The following DPY19L2 variants were observed in gnomAD, a reference collection of about 807,000 sequenced individuals.
DPY19L2 encodes dpy-19 like 2.
A neutral mutation model predicts 97.9 loss-of-function variants in DPY19L2; 34 were observed. The observed-to-expected ratio is 0.35, with a 90% confidence interval of 0.26 to 0.46. The LOEUF (loss-of-function observed/expected upper bound fraction) is 0.46, where lower values mean the gene tolerates loss of function less well. Ranked by LOEUF, DPY19L2 falls within the 20% of genes least tolerant of loss-of-function variation. The pLI is 1.00. For missense variants in DPY19L2, 623 were observed against 911.4 expected (o/e 0.68, Z 4.07); for synonymous variants, 230 against 307.9 (o/e 0.75, Z 2.65).
At chr12:63,652,582 A>T (rs1247528159) in intron 4 of DPY19L2, among the ~76,000 whole-genome samples, 4 of 152,232 alleles carry the variant, frequency 2.6e-5, no homozygotes, top group Non-Finnish European at 5.9e-5. Flanking sequence ...CCCCATGAAT[A>T]TTATGCAGCC....
intron 16 of DPY19L2, among the ~76,000 whole-genome samples, chr12:63,592,458 A>T (rs561371666): frequency 2.0e-5 from 3 of 149,080 alleles, no homozygotes; most frequent in Middle Eastern, 3.4e-3. Context: ...TCAATGGAAC[A>T]GAACAGAGCC....
chr12:63,593,067 A>C (rs1246515442), intron 16 of DPY19L2, among the ~76,000 whole-genome samples: 784 of 151,966 alleles, frequency 5.2e-3, no homozygotes, highest in African/African-American at 0.018. Flanking sequence ...CATCAGAGAA[A>C]TGCAAATCAA....
At chr12:63,643,623 G>C (rs1251838319) in intron 6 of DPY19L2, among the ~76,000 whole-genome samples, 1 of 152,116 alleles carries the variant, frequency 6.6e-6, no homozygotes, top group Admixed American at 6.5e-5. Flanking sequence ...TGAAAGATAA[G>C]CATCTGTTGG....
Position 63,663,938 on chromosome 12 carries a change from T to C in DPY19L2, c.363-93A>G, listed in dbSNP as rs1205679404. The C allele has an allele frequency of 3.8e-6, 3 of 788,294 alleles. No homozygotes were observed. In the South Asian group the frequency reaches 5.5e-5, roughly 14 times the overall value. The allele number at this position is 788,294 out of a possible 1,614,324, so 48.8% of individuals were successfully genotyped here. A position where few individuals can be genotyped will look rare whatever the true frequency, so the allele number is the denominator to read the frequency against. The stretch of plus-strand genomic sequence containing the variant: ...AAGAAAGCCATAAAAAAGAAAACAA[T>C]AAATTGTTATATTAATTTTATAATT... On this transcript the variant is annotated intron_variant, in intron 2 of 21. Transcript: ENST00000324472.
chr12:63,654,535 T>C (rs901097457), intron 4 of DPY19L2, among the ~76,000 whole-genome samples: 4 of 152,124 alleles, frequency 2.6e-5, no homozygotes, highest in African/African-American at 9.7e-5. Context: ...AATTAAGAGA[T>C]ATATTGACAA....
At chr12:63,639,100 C>T (rs565213645) in intron 6 of DPY19L2, among the ~76,000 whole-genome samples, 81 of 152,134 alleles carry the variant, frequency 5.3e-4, no homozygotes, top group African/African-American at 1.9e-3. Context: ...ACAAGCAATG[C>T]GGAAAGGATT....
At chr12:63,638,014 T>G (rs1408613905) in intron 6 of DPY19L2, among the ~76,000 whole-genome samples, 3 of 152,234 alleles carry the variant, frequency 2.0e-5, no homozygotes, top group Non-Finnish European at 4.4e-5. Flanking sequence ...TCCACCATGA[T>G]CAAGTGGCCT....
At chr12:63,594,516 A>ATT (rs1465617564) in intron 15 of DPY19L2, among the ~76,000 whole-genome samples, 1 of 98,420 alleles carries the variant, frequency 1.0e-5, no homozygotes, top group Non-Finnish European at 2.1e-5. Flanking sequence ...GGCTACAGGG[A>ATT]TTTGTGTGTG....
intron 5 of DPY19L2, among the ~76,000 whole-genome samples, chr12:63,647,002 T>C (rs1417724652): frequency 2.6e-5 from 4 of 152,122 alleles, no homozygotes; most frequent in South Asian, 2.1e-4. Flanking sequence ...GACTAACTTA[T>C]AGTCAAGATT....
chr12:63,628,433 T>A (rs1217684474), intron 6 of DPY19L2, among the ~76,000 whole-genome samples: 2 of 152,110 alleles, frequency 1.3e-5, no homozygotes, highest in African/African-American at 4.8e-5. Context: ...CACACCTGGC[T>A]CGGAGGGTCC....
At chr12:63,657,555 T>A (rs1364672681) in intron 4 of DPY19L2, among the ~76,000 whole-genome samples, 1 of 140,534 alleles carries the variant, frequency 7.1e-6, no homozygotes, top group African/African-American at 2.8e-5. Context: ...TTTTTAACAT[T>A]TAGGTTTTTT....
chr12:63,634,485 T>A (rs1891298039), intron 6 of DPY19L2, among the ~76,000 whole-genome samples: 8 of 152,098 alleles, frequency 5.3e-5, no homozygotes, highest in Admixed American at 4.6e-4. Context: ...GGGTGGGGCA[T>A]CACCTCACCC....
At chr12:63,634,308 G>T (rs1891255244) in intron 6 of DPY19L2, among the ~76,000 whole-genome samples, 1 of 152,144 alleles carries the variant, frequency 6.6e-6, no homozygotes, top group African/African-American at 2.4e-5. Context: ...TAACATGTAA[G>T]ATATGAAAGG....
At chr12:63,592,077 A>AGAGAAGAC (rs1203712283) in intron 16 of DPY19L2, among the ~76,000 whole-genome samples, 2 of 138,688 alleles carry the variant, frequency 1.4e-5, no homozygotes, top group African/African-American at 5.4e-5. Context: ...AGAGAAGACA[A>AGAGAAGAC]GAGAAGACAA....
intron 15 of DPY19L2, among the ~76,000 whole-genome samples, chr12:63,594,821 G>A (rs1346358007): frequency 2.6e-5 from 4 of 151,988 alleles, no homozygotes; most frequent in Non-Finnish European, 5.9e-5. Flanking sequence ...CTGACTCTCC[G>A]CTGAATAGTT....
At chr12:63,646,247 T>G (rs919558044) in intron 5 of DPY19L2, among the ~76,000 whole-genome samples, 71 of 152,268 alleles carry the variant, frequency 4.7e-4, no homozygotes, top group African/African-American at 1.6e-3. Flanking sequence ...ACTTATCACT[T>G]ATTGGGAATG....
chr12:63,571,612 A>T (rs1202235907), intron 19 of DPY19L2, among the ~76,000 whole-genome samples: 1 of 152,318 alleles, frequency 6.6e-6, no homozygotes, highest in South Asian at 2.1e-4. Context: ...GCCATAAAAA[A>T]GGAAAGCATT....
intron 11 of DPY19L2, among the ~76,000 whole-genome samples, chr12:63,612,735 A>G (rs1887223540): frequency 6.6e-6 from 1 of 151,870 alleles, no homozygotes; most frequent in Non-Finnish European, 1.5e-5. Context: ...ATGAAAACAA[A>G]AGCTCGTTCC....
chr12:63,644,424 A>T lies in DPY19L2; in HGVS notation c.782T>A (p.Phe261Tyr). Residue 261 changes from phenylalanine (F) to tyrosine (Y), a missense_variant, in exon 6 of 22, where the codon TTC becomes TAC. Transcript: ENST00000324472. Reference sequence around the variant, plus strand: ...TTACCTCAGGTATGCTCCATACATGAAGAACAATCCCATCATTAGTCCATT... The same window carrying T: ...TTACCTCAGGTATGCTCCATACATGTAGAACAATCCCATCATTAGTCCATT... Reference protein sequence around the residue: ...ILNGLMMGLFFMYGAYLSGTQ... With the variant: ...ILNGLMMGLFYMYGAYLSGTQ... 2.5e-6 allele frequency: 4 copies of T among 1,611,686 alleles called. No individual in the cohort carries two copies. Among genetic ancestry groups the T allele is most frequent in the Non-Finnish European group, 3.4e-6 (4 of 1,178,974 alleles).
Sources: gnomAD v4.1 joint callset for allele counts (sites outside exome capture counted in the v4.1 genomes callset) on GRCh38, gnomAD v4.1.1 for gene constraint, MANE v1.5 for transcripts, NCBI Gene and HGNC (gene_info 2026-07-23, HGNC 2026-07-21) for gene names.